The following GULP1 variants were observed in gnomAD, a reference collection of about 807,000 sequenced individuals.
The protein encoded by GULP1 is GULP PTB domain containing engulfment adaptor 1.
In GULP1, 19 loss-of-function variants were observed where a neutral mutation model predicts 40.9. The ratio of observed to expected loss-of-function variants is 0.46; its 90% CI spans 0.32 to 0.68. The LOEUF (loss-of-function observed/expected upper bound fraction) is 0.68, where lower values mean the gene tolerates loss of function less well. Among genes scored for constraint, GULP1 ranks in the 30% least tolerant of loss-of-function variants. The pLI, the probability that GULP1 is intolerant of heterozygous loss-of-function variation, is 0.03. For synonymous variants in GULP1, 119 were observed against 117.6 expected (o/e 1.01, Z -0.08); for missense variants, 312 against 362.2 (o/e 0.86, Z 1.12).
At chr2:188,582,965 G>C (rs551375907) in intron 9 of GULP1, among the ~76,000 whole-genome samples, 5 of 152,222 alleles carry the variant, frequency 3.3e-5, no homozygotes, top group Admixed American at 2.6e-4. Context: ...GAAGGAAAAA[G>C]AAAAACAGAA....
chr2:188,306,102 C>A (rs974760544), intron 1 of GULP1, among the ~76,000 whole-genome samples: 1 of 151,980 alleles, frequency 6.6e-6, no homozygotes, highest in East Asian at 1.9e-4. Context: ...TCCCATTTTT[C>A]CTCCTTGGTT....
chr2:188,374,941 A>C (rs2152461144), intron 1 of GULP1, among the ~76,000 whole-genome samples: 1 of 152,324 alleles, frequency 6.6e-6, no homozygotes, highest in Non-Finnish European at 1.5e-5. Flanking sequence ...CAACAGTTTA[A>C]ATGGTAAAAT....
At chr2:188,477,468 A>T (rs1049000165) in intron 2 of GULP1, among the ~76,000 whole-genome samples, 191 bp from the exon 3 acceptor site, 2 of 152,142 alleles carry the variant, frequency 1.3e-5, no homozygotes, top group African/African-American at 2.4e-5. Context: ...AGACATTCCT[A>T]TCTGCTTGTG....
intron 2 of GULP1, among the ~76,000 whole-genome samples, chr2:188,427,764 A>G (rs1273382966): frequency 2.0e-5 from 3 of 152,208 alleles, no homozygotes; most frequent in Admixed American, 2.0e-4. Context: ...CCTCATGGAG[A>G]ACCTCTACTA....
At chr2:188,583,966 C>T (rs1701838477) in intron 9 of GULP1, among the ~76,000 whole-genome samples, 1 of 152,218 alleles carries the variant, frequency 6.6e-6, no homozygotes, top group Non-Finnish European at 1.5e-5. Flanking sequence ...TTCTATATAT[C>T]CCAAAAATTC....
chr2:188,422,774 A>G (rs899658703), intron 2 of GULP1, among the ~76,000 whole-genome samples: 1 of 152,090 alleles, frequency 6.6e-6, no homozygotes, highest in Non-Finnish European at 1.5e-5. Context: ...CTTTTCCTTT[A>G]TTAAGCTTTT....
chr2:188,438,272 T>A (rs2057596766), intron 2 of GULP1, among the ~76,000 whole-genome samples: 1 of 151,898 alleles, frequency 6.6e-6, no homozygotes, highest in Admixed American at 6.6e-5. Flanking sequence ...TCTTCCAACA[T>A]CTTATTGGCC....
At chr2:188,546,217 A>C (rs1429409284) in intron 7 of GULP1, among the ~76,000 whole-genome samples, 1 of 152,052 alleles carries the variant, frequency 6.6e-6, no homozygotes, top group African/African-American at 2.4e-5. Flanking sequence ...ATCATCAACC[A>C]GTGGGATCTA....
At chr2:188,408,802 G>T (rs766414733) in intron 2 of GULP1, among the ~76,000 whole-genome samples, 4 of 152,172 alleles carry the variant, frequency 2.6e-5, no homozygotes, top group Non-Finnish European at 5.9e-5. Flanking sequence ...TAAGAAGAAT[G>T]AAGTCATTTC....
At chr2:188,322,127 T>C (rs1331317825) in intron 1 of GULP1, among the ~76,000 whole-genome samples, 16 of 152,166 alleles carry the variant, frequency 1.1e-4, no homozygotes, top group Non-Finnish European at 5.9e-5. Flanking sequence ...AATTTGTGCA[T>C]TACAAAACTT....
chr2:188,502,526 C>T (rs1378721050), intron 4 of GULP1, among the ~76,000 whole-genome samples: 1 of 151,816 alleles, frequency 6.6e-6, no homozygotes, highest in Non-Finnish European at 1.5e-5. Flanking sequence ...AAATTGTCTT[C>T]TTTTAGTCTA....
chr2:188,358,328 G>A (rs1286323377), intron 1 of GULP1, among the ~76,000 whole-genome samples: 4 of 152,302 alleles, frequency 2.6e-5, no homozygotes, highest in African/African-American at 9.6e-5. Flanking sequence ...GGTTACTAGG[G>A]ACTGGAAAGG....
chr2:188,481,485 T>G, intron 3 of GULP1, among the ~76,000 whole-genome samples: 1 of 152,014 alleles, frequency 6.6e-6, no homozygotes, highest in East Asian at 1.9e-4. Flanking sequence ...GGATGCAGAT[T>G]TTTGTCATTG....
rs371157544 is a variant in GULP1, at chr2:188,444,304, G to A, written c.-44-33355G>A. 1.7e-4 allele frequency among the ~76,000 whole-genome samples: 26 copies of A among 152,252 alleles called. No homozygotes were observed. In the South Asian group the frequency reaches 5.4e-3, roughly 32 times the overall value. Reference sequence around the variant, plus strand: ...CACCACAAAAATGATAACCATGTGAGATAATTCATATGTTAAGTAGCTGGA... The same window carrying A: ...CACCACAAAAATGATAACCATGTGAAATAATTCATATGTTAAGTAGCTGGA... On this transcript the variant is annotated intron_variant, in intron 2 of 11. Transcript: ENST00000409830.
At chr2:188,462,147 T>TA (rs1266789286) in intron 2 of GULP1, among the ~76,000 whole-genome samples, 2 of 152,166 alleles carry the variant, frequency 1.3e-5, no homozygotes, top group Non-Finnish European at 2.9e-5. Flanking sequence ...TTTGTTTCAA[T>TA]AAATTTTTCA....
At chr2:188,325,024 T>C (rs12151631) in intron 1 of GULP1, among the ~76,000 whole-genome samples, 14,039 of 151,844 alleles carry the variant, frequency 0.092, 1,082 homozygotes, top group African/African-American at 0.2. Flanking sequence ...TTCAGACACA[T>C]ACACACACAC....
chr2:188,439,752 C>T (rs2057753563), intron 2 of GULP1, among the ~76,000 whole-genome samples: 1 of 151,960 alleles, frequency 6.6e-6, no homozygotes, highest in African/African-American at 2.4e-5. Context: ...CTTTCTATAT[C>T]TCTCTTTTTC....
chr2:188,556,250 T>A (rs1039048011), intron 7 of GULP1, among the ~76,000 whole-genome samples: 10 of 152,112 alleles, frequency 6.6e-5, no homozygotes, highest in African/African-American at 2.2e-4. Context: ...TATCTTTATA[T>A]TTGTCCGACT....
intron 1 of GULP1, among the ~76,000 whole-genome samples, chr2:188,327,994 G>A (rs927565414): frequency 3.3e-5 from 5 of 152,102 alleles, no homozygotes; most frequent in Non-Finnish European, 7.4e-5. Context: ...AGAGTGATGA[G>A]TAAAAGTACA....
Sources: allele counts gnomAD v4.1 joint callset (sites outside exome capture counted in the v4.1 genomes callset), GRCh38; gene constraint gnomAD v4.1.1; transcripts MANE v1.5; gene names NCBI Gene and HGNC (gene_info 2026-07-23, HGNC 2026-07-21).